Variants in NOS1AP observed in about 807,000 individuals in gnomAD.
The protein encoded by NOS1AP is nitric oxide synthase 1 adaptor protein.
NOS1AP carries 21 observed loss-of-function variants against 56.2 expected under a neutral mutation model. The observed-to-expected ratio is 0.37, with a 90% CI of 0.26 to 0.54. The LOEUF (loss-of-function observed/expected upper bound fraction) is 0.54. NOS1AP is among the 20% of genes least tolerant of loss of function. The pLI is 0.84. For missense variants in NOS1AP, 522 were observed against 657.8 expected (o/e 0.79, Z 2.26); for synonymous variants, 270 against 274.6 (o/e 0.98, Z 0.17).
intron 2 of NOS1AP, among the ~76,000 whole-genome samples, chr1:162,194,048 A>G (rs971874079): frequency 6.6e-6 from 1 of 152,124 alleles, no homozygotes; most frequent in East Asian, 1.9e-4. Context: ...AGTGTCAGAT[A>G]TACACACTCT....
intron 7 of NOS1AP, among the ~76,000 whole-genome samples, chr1:162,356,655 C>G (rs933941558): frequency 2.0e-5 from 3 of 152,142 alleles, no homozygotes; most frequent in African/African-American, 7.2e-5. Flanking sequence ...AACTCAGTGA[C>G]AGGGTATCAT....
chr1:162,218,557 T>C (rs1048123450), intron 2 of NOS1AP, among the ~76,000 whole-genome samples: 1 of 152,184 alleles, frequency 6.6e-6, no homozygotes, highest in Non-Finnish European at 1.5e-5. Flanking sequence ...TGTCTGTGGA[T>C]GTTGTGAGAA....
chr1:162,075,203 C>T (rs947118030), intron 1 of NOS1AP, among the ~76,000 whole-genome samples: 7 of 152,144 alleles, frequency 4.6e-5, no homozygotes, highest in Non-Finnish European at 7.3e-5. Flanking sequence ...ATCTCCCCCT[C>T]CCAAGCCTCA....
intron 1 of NOS1AP, among the ~76,000 whole-genome samples, chr1:162,117,465 T>C (rs1484954222): frequency 3.3e-5 from 5 of 152,156 alleles, no homozygotes; most frequent in Non-Finnish European, 7.3e-5. Context: ...CTAGCTATCA[T>C]CCTCTTTGTT....
chr1:162,212,822 GT>G (rs5778255), intron 2 of NOS1AP, among the ~76,000 whole-genome samples: 152,174 of 152,174 alleles, frequency 1, 76,087 homozygotes, highest in Non-Finnish European at 1. Flanking sequence ...GACACACCCT[GT>G]GAACTTTGGC....
intron 4 of NOS1AP, among the ~76,000 whole-genome samples, chr1:162,319,697 T>C (rs2101778483): frequency 6.6e-6 from 1 of 152,116 alleles, no homozygotes; most frequent in East Asian, 1.9e-4. Flanking sequence ...GAGGCTGGCC[T>C]GTGTAGACCT....
intron 3 of NOS1AP, among the ~76,000 whole-genome samples, chr1:162,294,490 G>A (rs1358800846): frequency 6.6e-6 from 1 of 152,164 alleles, no homozygotes. Context: ...GTGACTGGAG[G>A]TCTGTGGTGT....
chr1:162,122,509 ATT>A (rs35388532), intron 1 of NOS1AP, among the ~76,000 whole-genome samples: 41 of 142,226 alleles, frequency 2.9e-4, no homozygotes, highest in African/African-American at 5.9e-4. Flanking sequence ...ATGAATCCCC[ATT>A]TTTTTTTTTT....
chr1:162,125,126 G>T (rs1194352322), intron 1 of NOS1AP, among the ~76,000 whole-genome samples: 3 of 137,194 alleles, frequency 2.2e-5, no homozygotes, highest in Admixed American at 2.1e-4. Flanking sequence ...TATTGTTTCT[G>T]ACTCTTTTTT....
chr1:162,338,342 C>G (rs1225379318), intron 5 of NOS1AP, among the ~76,000 whole-genome samples: 1 of 152,144 alleles, frequency 6.6e-6, no homozygotes, highest in Non-Finnish European at 1.5e-5. Flanking sequence ...CCCCATTATT[C>G]TCTTTTCTCC....
chr1:162,206,364 G>A (rs910419178), intron 2 of NOS1AP, among the ~76,000 whole-genome samples: 1 of 152,186 alleles, frequency 6.6e-6, no homozygotes, highest in African/African-American at 2.4e-5. Flanking sequence ...CTATAATCTA[G>A]TTCAGGAGTT....
chr1:162,264,972 G>A (rs1039148985), intron 2 of NOS1AP, among the ~76,000 whole-genome samples: 7 of 151,596 alleles, frequency 4.6e-5, no homozygotes, highest in Non-Finnish European at 1.0e-4. Context: ...CACCGCTACC[G>A]CCTGGCTACT....
chr1:162,355,229 C>T lies in NOS1AP; in HGVS notation c.638C>T (p.Ala213Val). 1 of 1,614,120 alleles carries T rather than the reference C, an allele frequency of 6.2e-7. No individual in the cohort carries two copies. The highest frequency in any genetic ancestry group is 8.5e-7 in the Non-Finnish European group (1 of 1,180,024). Reference sequence around the variant, plus strand: ...GCCGAGAGGGCCTCCACGGCCACTGCAGAGGAGACTGACATCGATGCGGTG... The same window carrying T: ...GCCGAGAGGGCCTCCACGGCCACTGTAGAGGAGACTGACATCGATGCGGTG... ...TGAERASTAT[A>V]EETDIDAVEV... Residue 213 changes from alanine (A) to valine (V), a missense_variant, in exon 7 of 10, where the codon GCA becomes GTA. Coordinates refer to ENST00000361897, the MANE Select transcript of NOS1AP (RefSeq NM_014697.3).
At chr1:162,305,387 A>ATT (rs11433685) in intron 4 of NOS1AP, among the ~76,000 whole-genome samples, 6,454 of 140,182 alleles carry the variant, frequency 0.046, 454 homozygotes, top group African/African-American at 0.15. Context: ...AATTCCTCCT[A>ATT]TTTTTTTTTT....
intron 2 of NOS1AP, among the ~76,000 whole-genome samples, chr1:162,253,527 C>T (rs572431993): frequency 6.0e-4 from 92 of 152,196 alleles, no homozygotes; most frequent in Non-Finnish European, 1.2e-3. Flanking sequence ...AAAGCTCTCA[C>T]TTTTCATCCT....
intron 2 of NOS1AP, among the ~76,000 whole-genome samples, chr1:162,251,632 G>C (rs12132375): frequency 7.5e-6 from 1 of 133,040 alleles, no homozygotes; most frequent in African/African-American, 2.7e-5. Context: ...GTGTGTGTGT[G>C]TCTGTGTGTG....
chr1:162,083,641 T>C (rs904645726), intron 1 of NOS1AP, among the ~76,000 whole-genome samples: 2 of 152,200 alleles, frequency 1.3e-5, no homozygotes, highest in Non-Finnish European at 2.9e-5. Context: ...ATTGAAATTT[T>C]ACCTTTCCTC....
rs35946766 is a variant in NOS1AP at position 162,324,416 on chromosome 1, C to CTTTTTTTTTTTTTTTT, written c.345-8588_345-8573dup. 1.2e-4 allele frequency among the ~76,000 whole-genome samples: 9 copies of CTTTTTTTTTTTTTTTT among 72,146 alleles called. 3 individuals carry two copies. Among genetic ancestry groups the CTTTTTTTTTTTTTTTT allele is most frequent in the Non-Finnish European group, 1.4e-4 (5 of 36,152 alleles). 47.3% of individuals were successfully genotyped at this position (72,146 alleles called of 152,430 possible). A position where few individuals can be genotyped will look rare whatever the true frequency, so the allele number is the denominator to read the frequency against. On this transcript the variant is annotated intron_variant, in intron 4 of 9. Coordinates refer to ENST00000361897, the MANE Select transcript of NOS1AP (RefSeq NM_014697.3). ...TAGTGGTTTTGTGAGGGACACTAGC[C>CTTTTTTTTTTTTTTTT]TTTTTTTTTTTTTTTTTTTTTTTTT...
intron 2 of NOS1AP, among the ~76,000 whole-genome samples, chr1:162,212,857 C>T (rs1234187467): frequency 1.1e-4 from 8 of 74,170 alleles, no homozygotes; most frequent in African/African-American, 4.6e-4. Context: ...CTTCTGAACT[C>T]TCTGTGGAGT....
Sources: gnomAD v4.1 joint callset for allele counts (sites outside exome capture counted in the v4.1 genomes callset) on GRCh38, gnomAD v4.1.1 for gene constraint, MANE v1.5 for transcripts, NCBI Gene and HGNC (gene_info 2026-07-23, HGNC 2026-07-21) for gene names.